PHIP: variants seen among roughly 807,000 people sequenced by gnomAD.
PHIP encodes the protein PH-interacting protein.
A neutral mutation model predicts 236.8 loss-of-function variants in PHIP; 54 were observed. The observed-to-expected ratio is 0.23, with a 90% confidence interval of 0.18 to 0.29. PHIP has a LOEUF of 0.29. Ranked by LOEUF, PHIP falls within the 10% of genes least tolerant of loss-of-function variation. The probability of loss-of-function intolerance (pLI) is 1.00; values close to 1 mark genes in which losing one functional copy is unlikely to be tolerated. For missense variants in PHIP, 1,370 were observed against 2,190.8 expected, an observed-to-expected ratio of 0.63 and a Z score of 7.48; for synonymous variants, 756 against 718.9, an observed-to-expected ratio of 1.05 and a Z score of -0.83.
intron 7 of PHIP, among the ~76,000 whole-genome samples, chr6:79,041,916 G>A (rs1197211426): frequency 6.6e-6 from 1 of 151,968 alleles, no homozygotes; most frequent in Non-Finnish European, 1.5e-5. Flanking sequence ...GAAGTAGTAG[G>A]TATAAATAGG....
intron 6 of PHIP, among the ~76,000 whole-genome samples, chr6:79,056,457 C>A (rs1773076758): frequency 6.6e-6 from 1 of 152,130 alleles, no homozygotes; most frequent in Admixed American, 6.6e-5. Flanking sequence ...CACTATCATT[C>A]AGTCACTCTC....
intron 7 of PHIP, among the ~76,000 whole-genome samples, chr6:79,033,167 A>G (rs1251731564): frequency 1.3e-5 from 2 of 152,190 alleles, no homozygotes; most frequent in Non-Finnish European, 2.9e-5. Flanking sequence ...TTCCCTTTAC[A>G]GAGCACAAGC....
chr6:78,973,661 C>CA (rs1246075983), intron 24 of PHIP, among the ~76,000 whole-genome samples: 1 of 146,448 alleles, frequency 6.8e-6, no homozygotes, highest in Non-Finnish European at 1.5e-5. Flanking sequence ...CACATAGGCT[C>CA]AAAATAAAAG....
intron 24 of PHIP, among the ~76,000 whole-genome samples, chr6:78,971,884 C>A (rs142290518): frequency 6.6e-6 from 1 of 151,554 alleles, no homozygotes; most frequent in Admixed American, 6.6e-5. Context: ...TCCTACCCCA[C>A]GGAGTCTCGC....
chr6:78,961,602 A>T, intron 31 of PHIP, 88 bp downstream of exon 31: 1 of 1,356,620 alleles, frequency 7.4e-7, no homozygotes, highest in Non-Finnish European at 1.0e-6. Flanking sequence ...CTATATACAA[A>T]AAGTTGAGAA....
rs1366541186 is a variant in PHIP at position 78,942,221 on chromosome 6, G to A, written c.4829-891C>T. Reference sequence around the variant, plus strand: ...TGGTTGGTCGGGTGCAGTGGCTCACGATTATAATCCCAGCACTCTGGGAGG... The same window carrying A: ...TGGTTGGTCGGGTGCAGTGGCTCACAATTATAATCCCAGCACTCTGGGAGG... On this transcript the variant is annotated intron_variant, in intron 39 of 39. Coordinates refer to ENST00000275034, the MANE Select transcript of PHIP (RefSeq NM_017934.7). 5.9e-5 allele frequency among the ~76,000 whole-genome samples: 9 copies of A among 152,178 alleles called. No homozygotes were observed. In the East Asian group the frequency reaches 1.2e-3, roughly 20 times the overall value.
At chr6:78,980,617 G>C (rs188944352) in intron 23 of PHIP, among the ~76,000 whole-genome samples, 1 of 152,072 alleles carries the variant, frequency 6.6e-6, no homozygotes, top group East Asian at 1.9e-4. Flanking sequence ...GATGTGAGGA[G>C]TAAAATGATA....
At chr6:78,979,995 G>A (rs994945578) in intron 23 of PHIP, among the ~76,000 whole-genome samples, 4 of 151,958 alleles carry the variant, frequency 2.6e-5, no homozygotes. Flanking sequence ...TTACCCTGGA[G>A]AGTTAGGGTA....
At chr6:79,002,671 T>G (rs993686050) in intron 16 of PHIP, among the ~76,000 whole-genome samples, 1 of 152,074 alleles carries the variant, frequency 6.6e-6, no homozygotes, top group African/African-American at 2.4e-5. Flanking sequence ...ATATTCCCTG[T>G]GGATAAGAGG....
At chr6:78,982,047 C>A (rs746385644) in intron 23 of PHIP, among the ~76,000 whole-genome samples, 9 of 151,976 alleles carry the variant, frequency 5.9e-5, no homozygotes, top group Admixed American at 1.3e-4. Context: ...AAAGACCCTA[C>A]GGTCTCCTAC....
intron 38 of PHIP, 52 bp downstream of exon 38, chr6:78,945,949 C>A: frequency 7.3e-7 from 1 of 1,370,424 alleles, no homozygotes. Flanking sequence ...AAAGTAAAAG[C>A]TTAAATTAAG....
intron 2 of PHIP, 38 bp downstream of exon 2, chr6:79,077,817 G>GCGAGCGC: frequency 8.2e-7 from 1 of 1,220,534 alleles, no homozygotes; most frequent in Non-Finnish European, 1.0e-6. Context: ...CCCGCGAGCG[G>GCGAGCGC]CGAGCGCCGG....
intron 16 of PHIP, 27 bp from the exon 17 acceptor site, chr6:79,002,151 C>T: frequency 2.0e-6 from 3 of 1,488,428 alleles, no homozygotes; most frequent in Non-Finnish European, 2.8e-6. Context: ...CCATAAAAGA[C>T]TGGAAAAATA....
intron 30 of PHIP, 64 bp from the exon 31 acceptor site, chr6:78,961,874 C>A: frequency 7.5e-7 from 1 of 1,325,796 alleles, no homozygotes; most frequent in East Asian, 2.6e-5. Context: ...AAGAAGAATT[C>A]TGCTTGAATT....
intron 4 of PHIP, chr6:79,068,252 CAG>C: frequency 6.6e-6 from 1 of 152,404 alleles, no homozygotes; most frequent in East Asian, 1.9e-4. Flanking sequence ...CACTTGAGGT[CAG>C]GAGTTCAAGA....
chr6:79,066,669 A>G (rs1053394390), intron 4 of PHIP, among the ~76,000 whole-genome samples: 9 of 152,240 alleles, frequency 5.9e-5, no homozygotes, highest in Admixed American at 2.6e-4. Context: ...ATAAATTCCT[A>G]TAGGTAAAAG....
intron 17 of PHIP, 109 bp from the exon 18 acceptor site, chr6:78,998,500 A>G (rs1466531407): frequency 1.2e-5 from 9 of 737,160 alleles, no homozygotes; most frequent in Non-Finnish European, 2.0e-5. Flanking sequence ...TTGCTTGGGT[A>G]AAAGACTTAA....
chr6:78,986,185 AG>A (rs1485634474), intron 21 of PHIP, among the ~76,000 whole-genome samples: 5 of 152,234 alleles, frequency 3.3e-5, no homozygotes, highest in African/African-American at 1.2e-4. Flanking sequence ...CATATAAAAA[AG>A]GATGTTCCAC....
intron 4 of PHIP, among the ~76,000 whole-genome samples, chr6:79,064,371 TC>T (rs1773521300): frequency 6.6e-6 from 1 of 152,156 alleles, no homozygotes; most frequent in Non-Finnish European, 1.5e-5. Flanking sequence ...GCTACCCCTT[TC>T]CCGTTCTCTT....
Sources: gnomAD v4.1 joint callset for allele counts (sites outside exome capture counted in the v4.1 genomes callset) on GRCh38, gnomAD v4.1.1 for gene constraint, MANE v1.5 for transcripts, NCBI Gene and HGNC (gene_info 2026-07-23, HGNC 2026-07-21) for gene names.